The following PRELID2 variants were observed in gnomAD, a reference collection of about 807,000 sequenced individuals.
PRELID2 encodes the protein PRELI domain containing 2.
A neutral mutation model predicts 28.4 loss-of-function variants in PRELID2; 25 were observed. The observed-to-expected ratio is 0.88, with a 90% CI of 0.64 to 1.23. The LOEUF is 1.23. Among genes scored for constraint, PRELID2 ranks in the 50% most tolerant of loss-of-function variants. The pLI is 0.00. For synonymous variants in PRELID2, 76 were observed against 71.6 expected (o/e 1.06, Z -0.31); for missense variants, 201 against 214.4 (o/e 0.94, Z 0.39).
intron 1 of PRELID2, among the ~76,000 whole-genome samples, chr5:145,554,963 T>C (rs1390597439): frequency 6.6e-6 from 1 of 152,230 alleles, no homozygotes; most frequent in East Asian, 1.9e-4. Context: ...AATACCTTCT[T>C]TCATATTTAT....
intron 1 of PRELID2, among the ~76,000 whole-genome samples, chr5:145,600,434 A>AATATATATATATATATATAT (rs1299956414): frequency 8.3e-6 from 1 of 120,114 alleles, no homozygotes; most frequent in African/African-American, 4.1e-5. Context: ...AAAAAAAAAA[A>AATATATATATATATATATAT]ATATATATAT....
the PRELID2 span, among the ~76,000 whole-genome samples, chr5:145,328,621 G>A: frequency 6.6e-6 from 1 of 151,502 alleles, no homozygotes; most frequent in Admixed American, 6.6e-5. Context: ...CCCACTTTTC[G>A]ATGGAGTTGT....
chr5:145,325,359 C>T, the PRELID2 span, among the ~76,000 whole-genome samples: 4 of 152,300 alleles, frequency 2.6e-5, no homozygotes, highest in South Asian at 2.1e-4. Context: ...CATCCTCCCT[C>T]TCTTATTGCA....
intron 1 of PRELID2, among the ~76,000 whole-genome samples, chr5:145,652,797 T>C (rs1423359429): frequency 1.3e-5 from 2 of 152,166 alleles, no homozygotes; most frequent in African/African-American, 2.4e-5. Context: ...TGCAAAAACA[T>C]GCCAAAGTGT....
At chr5:145,630,493 C>G (rs956101037) in intron 1 of PRELID2, among the ~76,000 whole-genome samples, 1 of 152,182 alleles carries the variant, frequency 6.6e-6, no homozygotes, top group Admixed American at 6.6e-5. Context: ...ATTGCACAAG[C>G]CTGCCTTGAG....
At chr5:145,536,715 A>C (rs771272166) in intron 1 of PRELID2, among the ~76,000 whole-genome samples, 4 of 151,898 alleles carry the variant, frequency 2.6e-5, no homozygotes, top group Non-Finnish European at 4.4e-5. Flanking sequence ...GCTGTAATGA[A>C]ATATTGGTTT....
At chr5:145,468,573 G>A (rs1380569577), downstream of PRELID2, among the ~76,000 whole-genome samples, 5 of 152,238 alleles carry the variant, frequency 3.3e-5, no homozygotes, top group East Asian at 5.8e-4. Context: ...ATCCTCTACA[G>A]CACCTGCTGT....
At chr5:145,448,480 G>C in the PRELID2 span, among the ~76,000 whole-genome samples, 3 of 152,112 alleles carry the variant, frequency 2.0e-5, no homozygotes, top group East Asian at 5.8e-4. Context: ...AGTTTAATTA[G>C]ATCCCATTTG....
At chr5:145,332,700 A>T in the PRELID2 span, among the ~76,000 whole-genome samples, 2 of 144,406 alleles carry the variant, frequency 1.4e-5, no homozygotes, top group Non-Finnish European at 3.1e-5. Context: ...GCTTCCTTGC[A>T]TTGGGTTAGA....
chr5:145,657,131 G>A (rs1754409576), intron 1 of PRELID2, among the ~76,000 whole-genome samples: 1 of 152,006 alleles, frequency 6.6e-6, no homozygotes, highest in East Asian at 1.9e-4. Flanking sequence ...GGACTTGCTG[G>A]AAGGAAATGG....
chr5:145,725,924 T>G (rs577427622), intron 1 of PRELID2, among the ~76,000 whole-genome samples: 8 of 152,306 alleles, frequency 5.3e-5, no homozygotes, highest in African/African-American at 1.9e-4. Context: ...AGCTTATGCC[T>G]GTAATTCCAG....
At chr5:145,596,755 T>C (rs1753312828) in intron 1 of PRELID2, among the ~76,000 whole-genome samples, 1 of 152,156 alleles carries the variant, frequency 6.6e-6, no homozygotes, top group Non-Finnish European at 1.5e-5. Flanking sequence ...TTAAGAGAAG[T>C]CAGTCTTCAA....
At chr5:145,419,012 G>A in the PRELID2 span, among the ~76,000 whole-genome samples, 36 of 150,784 alleles carry the variant, frequency 2.4e-4, no homozygotes, top group African/African-American at 8.8e-4. Flanking sequence ...AGTTTACTGA[G>A]AATGATGATT....
At chr5:145,674,178 T>C (rs1055930229) in intron 1 of PRELID2, among the ~76,000 whole-genome samples, 1 of 152,210 alleles carries the variant, frequency 6.6e-6, no homozygotes, top group Non-Finnish European at 1.5e-5. Context: ...TTTTTTATTA[T>C]ACTTTAAGTT....
At chr5:145,383,236 T>C in the PRELID2 span, among the ~76,000 whole-genome samples, 1 of 151,598 alleles carries the variant, frequency 6.6e-6, no homozygotes, top group African/African-American at 2.4e-5. Context: ...AATATATATA[T>C]ACTCAAATAA....
the PRELID2 span, among the ~76,000 whole-genome samples, chr5:145,432,688 A>G: frequency 1.3e-5 from 2 of 152,056 alleles, no homozygotes; most frequent in East Asian, 3.9e-4. Flanking sequence ...TCCACAAAAG[A>G]ATAATTTTGG....
chr5:145,429,672 A>T, the PRELID2 span, among the ~76,000 whole-genome samples: 1 of 152,206 alleles, frequency 6.6e-6, no homozygotes, highest in African/African-American at 2.4e-5. Flanking sequence ...TTATGTATTT[A>T]TTTCACAAAT....
the PRELID2 span, among the ~76,000 whole-genome samples, chr5:145,268,093 TCTTTA>T: frequency 2.0e-4 from 30 of 152,320 alleles, no homozygotes; most frequent in Non-Finnish European, 2.8e-4. Context: ...GTAGGTTGTC[TCTTTA>T]CTTTGTTGAT....
At chr5:145,735,031 A>G (rs1756454110) in intron 1 of PRELID2, among the ~76,000 whole-genome samples, 1 of 152,096 alleles carries the variant, frequency 6.6e-6, no homozygotes, top group Non-Finnish European at 1.5e-5. Context: ...CAGATCATGA[A>G]GTCAGGAATT....
Sources: gnomAD v4.1 joint callset for allele counts (sites outside exome capture counted in the v4.1 genomes callset) on GRCh38, gnomAD v4.1.1 for gene constraint, MANE v1.5 for transcripts, NCBI Gene and HGNC (gene_info 2026-07-23, HGNC 2026-07-21) for gene names.